The following IL19 variants were observed in gnomAD, a reference collection of about 807,000 sequenced individuals.
The protein encoded by IL19 is interleukin 19.
Under a neutral mutation model 19.5 loss-of-function variants are expected in IL19, and 15 were observed. The observed-to-expected ratio is 0.77, with a 90% CI of 0.52 to 1.19. The LOEUF is 1.19. Ranked by LOEUF, IL19 falls within the 50% of genes most tolerant of loss-of-function variation. IL19 has a pLI of 0.00. For synonymous variants in IL19, 78 were observed against 78.3 expected (o/e 1.00, Z 0.02); for missense variants, 199 against 213.1 (o/e 0.93, Z 0.41).
At chr1:206,785,397 G>A (rs1014314910) in intron 1 of IL19, among the ~76,000 whole-genome samples, 46 of 152,200 alleles carry the variant, frequency 3.0e-4, no homozygotes, top group Admixed American at 3.3e-4. Context: ...GCAACTTCTA[G>A]AGAGTCAGGA....
chr1:206,772,275 A>T (rs771131184), intron 1 of IL19: 9 of 1,613,962 alleles, frequency 5.6e-6, no homozygotes, highest in Non-Finnish European at 7.6e-6. Flanking sequence ...ACTCACAAAG[A>T]AAGTCTTCAC....
chr1:206,792,539 C>G (rs1675433798), intron 1 of IL19, among the ~76,000 whole-genome samples: 1 of 151,852 alleles, frequency 6.6e-6, no homozygotes, highest in African/African-American at 2.4e-5. Context: ...TCACTGCAAA[C>G]TCCGCTTCCT....
At chr1:206,815,234 G>A (rs574041457) in intron 2 of IL19, among the ~76,000 whole-genome samples, 1 of 152,310 alleles carries the variant, frequency 6.6e-6, no homozygotes, top group African/African-American at 2.4e-5. Context: ...GAGAAAATGA[G>A]AAACTGATGG....
intron 2 of IL19, among the ~76,000 whole-genome samples, chr1:206,818,483 A>C (rs980568040): frequency 2.6e-5 from 4 of 152,220 alleles, no homozygotes; most frequent in African/African-American, 9.7e-5. Flanking sequence ...ATACTAGAAA[A>C]CCCAAATTAG....
intron 2 of IL19, among the ~76,000 whole-genome samples, chr1:206,808,364 C>A (rs891436625): frequency 6.6e-6 from 1 of 152,034 alleles, no homozygotes; most frequent in East Asian, 1.9e-4. Flanking sequence ...ACAAACCATA[C>A]CAAACAAAAG....
chr1:206,835,926 C>T (rs1016600304), intron 2 of IL19, among the ~76,000 whole-genome samples: 27 of 152,346 alleles, frequency 1.8e-4, no homozygotes, highest in Admixed American at 4.6e-4. Context: ...GAATGAGAAG[C>T]GGTGGCAAAC....
intron 2 of IL19, among the ~76,000 whole-genome samples, chr1:206,824,913 C>T (rs1676392139): frequency 6.6e-6 from 1 of 152,138 alleles, no homozygotes; most frequent in African/African-American, 2.4e-5. Flanking sequence ...CATCACCACA[C>T]CCTGCTAATT....
intron 1 of IL19, among the ~76,000 whole-genome samples, chr1:206,781,735 C>G (rs1381052773): frequency 2.0e-5 from 3 of 151,368 alleles, no homozygotes; most frequent in Non-Finnish European, 4.4e-5. Context: ...CTGCGTCCAG[C>G]CTTGCCCCCG....
chr1:206,817,738 T>C (rs1467645756), intron 2 of IL19, among the ~76,000 whole-genome samples: 2 of 151,810 alleles, frequency 1.3e-5, no homozygotes, highest in Admixed American at 1.3e-4. Context: ...TATAGAAAAA[T>C]TTACAATTAT....
chr1:206,790,257 G>T (rs761375758), intron 1 of IL19, among the ~76,000 whole-genome samples: 3 of 151,974 alleles, frequency 2.0e-5, no homozygotes, highest in Admixed American at 6.6e-5. Flanking sequence ...GTATCTCATT[G>T]TGGTTCTTCC....
chr1:206,840,068 T>C, intron 5 of IL19, 66 bp downstream of exon 5: 1 of 1,573,086 alleles, frequency 6.4e-7, no homozygotes. Context: ...CAGGAAGTGC[T>C]GGCCCCCATC....
At chr1:206,841,929 G>A (rs147117904) in intron 6 of IL19, among the ~76,000 whole-genome samples, 198 of 152,326 alleles carry the variant, frequency 1.3e-3, no homozygotes, top group African/African-American at 4.6e-3. Flanking sequence ...GGCAGAGGTA[G>A]GATTCAATTC....
intron 1 of IL19, among the ~76,000 whole-genome samples, chr1:206,789,412 C>T (rs1011323284): frequency 7.2e-5 from 11 of 152,274 alleles, no homozygotes; most frequent in Non-Finnish European, 1.3e-4. Flanking sequence ...AGCTTAGCTC[C>T]CACTTGTAAG....
intron 1 of IL19, among the ~76,000 whole-genome samples, chr1:206,780,176 G>A (rs1675098394): frequency 6.6e-6 from 1 of 152,122 alleles, no homozygotes; most frequent in African/African-American, 2.4e-5. Context: ...CCCCTCTGTA[G>A]TATTTATGTC....
At chr1:206,832,158 C>A (rs931553535) in intron 2 of IL19, among the ~76,000 whole-genome samples, 1 of 152,232 alleles carries the variant, frequency 6.6e-6, no homozygotes, top group African/African-American at 2.4e-5. Context: ...GCTCTTTGCA[C>A]CCTCTCCAAA....
chr1:206,808,571 G>A (rs1675918744), intron 2 of IL19, among the ~76,000 whole-genome samples: 1 of 151,908 alleles, frequency 6.6e-6, no homozygotes, highest in South Asian at 2.1e-4. Context: ...AACTAGGTGA[G>A]CAGAGATCTG....
At position 206,837,032 on chromosome 1, in the gene IL19, C is replaced by T. The variant is rs766808216; in HGVS notation, c.210+9C>T. 3.1e-6 allele frequency: 5 copies of T among 1,605,594 alleles called. No homozygotes were observed. In the Admixed American group the frequency reaches 8.4e-5, roughly 27 times the overall value. On this transcript the variant is annotated intron_variant, in intron 4 of 6. Transcript: ENST00000659997. ...CTCTGCAGATCATTAAGGTATTGGC[C>T]TGTGTCTGCTTTTTCCAGTATTTTT...
At chr1:206,799,649 A>G (rs1294521823) in intron 2 of IL19, among the ~76,000 whole-genome samples, 3 of 152,224 alleles carry the variant, frequency 2.0e-5, no homozygotes, top group Non-Finnish European at 4.4e-5. Context: ...CTAGTGCTCT[A>G]AAGTCCCAAG....
At chr1:206,809,118 T>A (rs1675934624) in intron 2 of IL19, among the ~76,000 whole-genome samples, 1 of 152,170 alleles carries the variant, frequency 6.6e-6, no homozygotes, top group African/African-American at 2.4e-5. Context: ...CCCATGGGTG[T>A]TGCCCCCACT....
Sources: allele counts gnomAD v4.1 joint callset (sites outside exome capture counted in the v4.1 genomes callset), GRCh38; gene constraint gnomAD v4.1.1; transcripts MANE v1.5; gene names NCBI Gene and HGNC (gene_info 2026-07-23, HGNC 2026-07-21).